Variants in ROBO2 observed in about 807,000 individuals in gnomAD.
ROBO2 encodes roundabout guidance receptor 2.
A neutral mutation model predicts 160.8 loss-of-function variants in ROBO2; 53 were observed. That is an observed-to-expected ratio of 0.33 (90% CI 0.26 to 0.41). ROBO2 has a LOEUF of 0.41. Ranked by LOEUF, ROBO2 falls within the 10% of genes least tolerant of loss-of-function variation. The probability of loss-of-function intolerance (pLI) is 1.00; values close to 1 mark genes in which losing one functional copy is unlikely to be tolerated. For synonymous variants in ROBO2, 664 were observed against 611.7 expected, an observed-to-expected ratio of 1.09 and a Z score of -1.26; for missense variants, 1,577 against 1,722.4, an observed-to-expected ratio of 0.92 and a Z score of 1.49.
intron 2 of ROBO2, among the ~76,000 whole-genome samples, chr3:76,809,384 C>T (rs1422353891): frequency 2.6e-5 from 4 of 152,098 alleles, no homozygotes; most frequent in African/African-American, 9.7e-5. Flanking sequence ...GGTGGTGCTC[C>T]CCATAGTCTT....
intron 2 of ROBO2, among the ~76,000 whole-genome samples, chr3:75,948,788 T>A (rs1948426203): frequency 6.6e-6 from 1 of 152,166 alleles, no homozygotes; most frequent in African/African-American, 2.4e-5. Flanking sequence ...ATCTTATAAT[T>A]TGAATATCCC....
chr3:77,573,211 A>G (rs1281821154), intron 13 of ROBO2, among the ~76,000 whole-genome samples: 1 of 151,976 alleles, frequency 6.6e-6, no homozygotes, highest in Non-Finnish European at 1.5e-5. Flanking sequence ...AAAACATGAC[A>G]AAGTATTAAA....
chr3:77,496,119 C>A (rs181060619), intron 5 of ROBO2, among the ~76,000 whole-genome samples: 343 of 152,318 alleles, frequency 2.3e-3, no homozygotes, highest in African/African-American at 7.9e-3. Context: ...TCACTAACTT[C>A]CTTTAAAACA....
At chr3:75,925,250 A>G (rs1227046622) in intron 1 of ROBO2, among the ~76,000 whole-genome samples, 1 of 151,832 alleles carries the variant, frequency 6.6e-6, no homozygotes, top group Non-Finnish European at 1.5e-5. Flanking sequence ...AAAACTAGGC[A>G]GACGTGGTGG....
chr3:76,863,447 GA>G (rs1482565828), intron 2 of ROBO2, among the ~76,000 whole-genome samples: 2 of 110,986 alleles, frequency 1.8e-5, no homozygotes, highest in Non-Finnish European at 3.7e-5. Flanking sequence ...CAAAAAAAAA[GA>G]AAAAAGAAAA....
chr3:76,890,231 T>TTAAATC (rs112344312), intron 2 of ROBO2, among the ~76,000 whole-genome samples: 1 of 151,096 alleles, frequency 6.6e-6, no homozygotes, highest in African/African-American at 2.4e-5. Flanking sequence ...CGTATGCTAT[T>TTAAATC]TAACAGTCCA....
chr3:77,179,783 G>T (rs1342095285), intron 2 of ROBO2, among the ~76,000 whole-genome samples: 1 of 152,114 alleles, frequency 6.6e-6, no homozygotes, highest in African/African-American at 2.4e-5. Context: ...CTTTATGGAG[G>T]AATTACATGT....
chr3:76,262,573 C>T (rs907926941), intron 2 of ROBO2, among the ~76,000 whole-genome samples: 2 of 152,070 alleles, frequency 1.3e-5, no homozygotes, highest in African/African-American at 4.8e-5. Flanking sequence ...TACCTTTGGT[C>T]CCCCTACTTA....
chr3:76,873,710 C>T (rs536760981), intron 2 of ROBO2, among the ~76,000 whole-genome samples: 46 of 152,292 alleles, frequency 3.0e-4, no homozygotes, highest in Admixed American at 5.9e-4. Flanking sequence ...GGATTGCAGG[C>T]ACTCTCTAAC....
intron 2 of ROBO2, among the ~76,000 whole-genome samples, chr3:77,349,998 G>A (rs186085850): frequency 6.6e-6 from 1 of 151,890 alleles, no homozygotes; most frequent in Non-Finnish European, 1.5e-5. Flanking sequence ...CTTTTGTAAA[G>A]CTTACTTTTG....
intron 1 of ROBO2, among the ~76,000 whole-genome samples, chr3:77,045,909 T>A (rs4370063): frequency 3.2e-4 from 48 of 152,188 alleles, no homozygotes; most frequent in Non-Finnish European, 6.5e-4. Context: ...TTTAGCGTAA[T>A]GTTTTTAAGG....
intron 2 of ROBO2, among the ~76,000 whole-genome samples, chr3:77,027,382 G>T (rs1370117629): frequency 6.6e-6 from 1 of 152,156 alleles, no homozygotes; most frequent in Non-Finnish European, 1.5e-5. Context: ...CATCTGCACA[G>T]ACCTGCCGTT....
intron 2 of ROBO2, among the ~76,000 whole-genome samples, chr3:75,964,559 G>C (rs1245918961): frequency 6.6e-6 from 1 of 150,932 alleles, no homozygotes; most frequent in African/African-American, 2.4e-5. Flanking sequence ...GTATATATTT[G>C]GTATAATTCT....
At chr3:77,210,346 A>C (rs2151090131) in intron 2 of ROBO2, among the ~76,000 whole-genome samples, 1 of 152,256 alleles carries the variant, frequency 6.6e-6, no homozygotes, top group East Asian at 1.9e-4. Context: ...ATTTTGTAAT[A>C]GTAATTAATT....
At chr3:77,203,855 G>A (rs971244975) in intron 2 of ROBO2, among the ~76,000 whole-genome samples, 10 of 152,204 alleles carry the variant, frequency 6.6e-5, no homozygotes, top group African/African-American at 2.4e-4. Flanking sequence ...TGAAGTACAA[G>A]TGAATTATGG....
intron 9 of ROBO2, among the ~76,000 whole-genome samples, chr3:77,561,224 A>G (rs1048156221): frequency 6.6e-6 from 1 of 152,202 alleles, no homozygotes; most frequent in African/African-American, 2.4e-5. Context: ...AGTCATCAAC[A>G]CACTTATAGT....
chr3:77,258,434 T>G (rs1234765988), intron 2 of ROBO2, among the ~76,000 whole-genome samples: 2 of 152,132 alleles, frequency 1.3e-5, no homozygotes, highest in African/African-American at 4.8e-5. Flanking sequence ...TATACTCATT[T>G]TTGTCAGAGG....
chr3:77,269,440 T>A (rs1161155791), intron 2 of ROBO2, among the ~76,000 whole-genome samples: 4 of 152,208 alleles, frequency 2.6e-5, no homozygotes, highest in Non-Finnish European at 4.4e-5. Context: ...GGTACCTTTT[T>A]TCCACATGGG....
At chr3:76,316,324 C>T (rs1033280545) in intron 2 of ROBO2, among the ~76,000 whole-genome samples, 1 of 152,072 alleles carries the variant, frequency 6.6e-6, no homozygotes, top group Non-Finnish European at 1.5e-5. Flanking sequence ...TTATAGACCT[C>T]CCCCAAGGAA....
Sources: gnomAD v4.1 joint callset for allele counts (sites outside exome capture counted in the v4.1 genomes callset) on GRCh38, gnomAD v4.1.1 for gene constraint, MANE v1.5 for transcripts, NCBI Gene and HGNC (gene_info 2026-07-23, HGNC 2026-07-21) for gene names.